Variants in B3GALT1 observed in about 807,000 individuals in gnomAD.
B3GALT1 encodes the protein UDP-Gal:betaGlcNAc beta 1,3-galactosyltransferase, polypeptide 1.
Under a neutral mutation model 23.2 loss-of-function variants are expected in B3GALT1, and 10 were observed. That is an observed-to-expected ratio of 0.43 (90% CI 0.27 to 0.73). The LOEUF is 0.73. Ranked by LOEUF, B3GALT1 falls within the 30% of genes least tolerant of loss-of-function variation. B3GALT1 has a pLI of 0.21. For missense variants in B3GALT1, 299 were observed against 405.4 expected, an observed-to-expected ratio of 0.74 and a Z score of 2.25; for synonymous variants, 156 against 141.5, an observed-to-expected ratio of 1.10 and a Z score of -0.73.
chr2:167,479,067 A>T (rs932861875), intron 1 of B3GALT1, among the ~76,000 whole-genome samples: 2 of 151,996 alleles, frequency 1.3e-5, no homozygotes, highest in African/African-American at 4.8e-5. Flanking sequence ...TCGGCTCAAA[A>T]ATAAATAAAT....
At chr2:167,733,687 T>A (rs1283920291) in intron 3 of B3GALT1, among the ~76,000 whole-genome samples, 3 of 152,212 alleles carry the variant, frequency 2.0e-5, no homozygotes, top group Non-Finnish European at 4.4e-5. Flanking sequence ...AATGGAAGGC[T>A]AGTTGCTGAT....
intron 2 of B3GALT1, among the ~76,000 whole-genome samples, chr2:167,643,044 G>T (rs1000942144): frequency 6.6e-6 from 1 of 152,140 alleles, no homozygotes; most frequent in Admixed American, 6.6e-5. Flanking sequence ...GCTTGGAGCT[G>T]CAGCTTACTT....
At chr2:167,640,448 T>C (rs1405427303) in intron 2 of B3GALT1, among the ~76,000 whole-genome samples, 1 of 152,140 alleles carries the variant, frequency 6.6e-6, no homozygotes, top group African/African-American at 2.4e-5. Context: ...TTTTTTCTCT[T>C]ACGGCTTTTA....
intron 3 of B3GALT1, among the ~76,000 whole-genome samples, chr2:167,663,423 G>C (rs140911458): frequency 6.6e-6 from 1 of 151,418 alleles, no homozygotes. Context: ...ATAAACATAC[G>C]TGTGCATGTG....
intron 3 of B3GALT1, among the ~76,000 whole-genome samples, chr2:167,653,154 T>C (rs1305614279): frequency 6.6e-6 from 1 of 152,166 alleles, no homozygotes; most frequent in Non-Finnish European, 1.5e-5. Flanking sequence ...AAGACTCTTC[T>C]TCTGTGCTTC....
intron 3 of B3GALT1, among the ~76,000 whole-genome samples, chr2:167,696,090 A>G (rs1686787795): frequency 6.6e-6 from 1 of 152,126 alleles, no homozygotes; most frequent in African/African-American, 2.4e-5. Flanking sequence ...TTCTATTCCT[A>G]AAGAATGAAA....
chr2:167,839,418 T>G (rs201398880), intron 4 of B3GALT1, among the ~76,000 whole-genome samples: 1 of 152,134 alleles, frequency 6.6e-6, no homozygotes, highest in African/African-American at 2.4e-5. Flanking sequence ...TGAGTGAACT[T>G]CCATTCACAA....
intron 4 of B3GALT1, among the ~76,000 whole-genome samples, chr2:167,858,654 A>C (rs546456055): frequency 6.6e-6 from 1 of 152,288 alleles, no homozygotes; most frequent in East Asian, 1.9e-4. Flanking sequence ...GATGACTCCA[A>C]GTCTAGAACT....
chr2:167,675,830 T>G (rs1686415447), intron 3 of B3GALT1, among the ~76,000 whole-genome samples: 1 of 151,708 alleles, frequency 6.6e-6, no homozygotes, highest in African/African-American at 2.4e-5. Flanking sequence ...TTCACCTGAG[T>G]GCATATGGAA....
At chr2:167,811,343 C>G (rs959036145) in intron 3 of B3GALT1, among the ~76,000 whole-genome samples, 9 of 152,338 alleles carry the variant, frequency 5.9e-5, no homozygotes, top group African/African-American at 1.9e-4. Flanking sequence ...TATCTCACAA[C>G]TTAGCCAAGG....
intron 4 of B3GALT1, among the ~76,000 whole-genome samples, chr2:167,825,823 A>G (rs1024075452): frequency 1.3e-5 from 2 of 152,170 alleles, no homozygotes; most frequent in Non-Finnish European, 2.9e-5. Context: ...GTTGCCTTGC[A>G]TAGGTGTTTA....
intron 3 of B3GALT1, among the ~76,000 whole-genome samples, chr2:167,787,687 C>T (rs1160375279): frequency 6.6e-6 from 1 of 152,168 alleles, no homozygotes; most frequent in African/African-American, 2.4e-5. Context: ...AGCACCATTC[C>T]AGGACAGGGC....
At position 167,789,479 on chromosome 2, in the gene B3GALT1, A is replaced by G. The variant is rs532033961; in HGVS notation, c.-351-29193A>G. Among the ~76,000 whole-genome samples the G allele has an allele frequency of 1.8e-4, 27 of 152,258 alleles. No homozygotes were observed. The East Asian group carries it at 3.7e-3, about 21-fold the overall frequency. Reference sequence around the variant, plus strand: ...GGATTAAATGATAAGAGCATAAATAAAGCCTTTGGCACACTCTATGGTTCA... The same window carrying G: ...GGATTAAATGATAAGAGCATAAATAGAGCCTTTGGCACACTCTATGGTTCA... On this transcript the variant is annotated intron_variant, in intron 3 of 4. Coordinates refer to ENST00000392690, the MANE Select transcript of B3GALT1 (RefSeq NM_020981.4).
At chr2:167,638,991 G>A (rs1336688691) in intron 2 of B3GALT1, among the ~76,000 whole-genome samples, 1 of 151,922 alleles carries the variant, frequency 6.6e-6, no homozygotes, top group Non-Finnish European at 1.5e-5. Context: ...CCATTGGCCT[G>A]CCTATGATGA....
chr2:167,534,367 G>C (rs994297467), intron 2 of B3GALT1, among the ~76,000 whole-genome samples: 5 of 151,778 alleles, frequency 3.3e-5, no homozygotes, highest in African/African-American at 1.2e-4. Flanking sequence ...CTGTTATCTA[G>C]TTCAATTAGT....
At chr2:167,853,491 C>G (rs1486915219) in intron 4 of B3GALT1, among the ~76,000 whole-genome samples, 1 of 151,772 alleles carries the variant, frequency 6.6e-6, no homozygotes, top group Non-Finnish European at 1.5e-5. Flanking sequence ...TTATTTTTTC[C>G]CATATAGATT....
chr2:167,625,792 C>T (rs2105442939), intron 2 of B3GALT1, among the ~76,000 whole-genome samples: 1 of 150,810 alleles, frequency 6.6e-6, no homozygotes, highest in South Asian at 2.1e-4. Context: ...AATGATTGTC[C>T]ATTGACTGCA....
intron 2 of B3GALT1, among the ~76,000 whole-genome samples, chr2:167,547,693 C>CAA (rs71031296): frequency 2.0e-4 from 15 of 75,454 alleles, no homozygotes; most frequent in Admixed American, 4.4e-4. Flanking sequence ...GACTCTGTCT[C>CAA]AAAAAAAAAA....
intron 4 of B3GALT1, among the ~76,000 whole-genome samples, chr2:167,854,305 T>C (rs1229731462): frequency 6.6e-6 from 1 of 152,120 alleles, no homozygotes; most frequent in East Asian, 1.9e-4. Flanking sequence ...GAAAGGGACT[T>C]ATCAAATAAG....
Sources: gnomAD v4.1 joint callset for allele counts (sites outside exome capture counted in the v4.1 genomes callset) on GRCh38, gnomAD v4.1.1 for gene constraint, MANE v1.5 for transcripts, NCBI Gene and HGNC (gene_info 2026-07-23, HGNC 2026-07-21) for gene names.